The following MDGA2 variants were observed in gnomAD, a reference collection of about 807,000 sequenced individuals.
The protein encoded by MDGA2 is MAM domain containing glycosylphosphatidylinositol anchor 2, also known as MAM domain-containing glycosylphosphatidylinositol anchor protein 2.
A neutral mutation model predicts 117.8 loss-of-function variants in MDGA2; 40 were observed. That is an observed-to-expected ratio of 0.34 (90% CI 0.26 to 0.44). The LOEUF (loss-of-function observed/expected upper bound fraction) is 0.44. MDGA2 is among the 20% of genes least tolerant of loss of function. The probability of loss-of-function intolerance (pLI) is 1.00; values close to 1 mark genes in which losing one functional copy is unlikely to be tolerated. For synonymous variants in MDGA2, 452 were observed against 439.0 expected (o/e 1.03, Z -0.37); for missense variants, 1,123 against 1,250.6 (o/e 0.90, Z 1.54).
At chr14:46,890,676 C>T (rs1295468224) in intron 10 of MDGA2, among the ~76,000 whole-genome samples, 1 of 152,000 alleles carries the variant, frequency 6.6e-6, no homozygotes, top group Non-Finnish European at 1.5e-5. Context: ...ACTGGCTATG[C>T]AAGCAGAGTC....
intron 1 of MDGA2, among the ~76,000 whole-genome samples, chr14:47,309,838 A>AT (rs1889577988): frequency 6.6e-6 from 1 of 152,160 alleles, no homozygotes; most frequent in East Asian, 1.9e-4. Context: ...AAAGAGAGCA[A>AT]TGACATTCAA....
At chr14:47,172,076 T>C (rs373486235) in intron 3 of MDGA2, among the ~76,000 whole-genome samples, 1 of 152,040 alleles carries the variant, frequency 6.6e-6, no homozygotes, top group African/African-American at 2.4e-5. Flanking sequence ...AACTGCAAGG[T>C]GGCAGCAAGG....
chr14:46,873,742 C>T, intron 13 of MDGA2, 151 bp from the exon 14 acceptor site: 1 of 662,554 alleles, frequency 1.5e-6, no homozygotes, highest in Non-Finnish European at 2.4e-6. Flanking sequence ...GTATATGTAA[C>T]TAATAGTGGC....
intron 1 of MDGA2, among the ~76,000 whole-genome samples, chr14:47,316,975 C>T (rs936964005): frequency 6.6e-6 from 1 of 152,070 alleles, no homozygotes; most frequent in East Asian, 1.9e-4. Flanking sequence ...TTAATTTACA[C>T]TGAAAGGCCT....
At chr14:47,330,065 C>T (rs1890250216) in intron 1 of MDGA2, among the ~76,000 whole-genome samples, 2 of 151,860 alleles carry the variant, frequency 1.3e-5, no homozygotes, top group Non-Finnish European at 2.9e-5. Context: ...AATATTAAGG[C>T]ATAACAATTT....
chr14:47,602,219 C>T (rs956457291), intron 1 of MDGA2, among the ~76,000 whole-genome samples: 4 of 152,102 alleles, frequency 2.6e-5, no homozygotes, highest in Admixed American at 6.6e-5. Context: ...AACAACCAAT[C>T]GACAGACCCA....
chr14:47,323,149 G>T (rs1327323414), intron 1 of MDGA2, among the ~76,000 whole-genome samples: 2 of 107,702 alleles, frequency 1.9e-5, no homozygotes, highest in Non-Finnish European at 3.8e-5. Context: ...AAGAGTCATG[G>T]ATATATATAT....
intron 10 of MDGA2, among the ~76,000 whole-genome samples, chr14:46,904,786 TAAGATGA>T (rs1312946857): frequency 6.6e-6 from 1 of 152,210 alleles, no homozygotes; most frequent in Non-Finnish European, 1.5e-5. Context: ...CTTAAACTCC[TAAGATGA>T]AACTCGACTA....
intron 1 of MDGA2, among the ~76,000 whole-genome samples, chr14:47,515,350 T>C (rs1894729144): frequency 6.6e-6 from 1 of 152,180 alleles, no homozygotes; most frequent in Non-Finnish European, 1.5e-5. Flanking sequence ...AACCTGTGAA[T>C]ACCCTGCACA....
At chr14:47,112,991 C>CAGTG (rs1436593589) in intron 5 of MDGA2, among the ~76,000 whole-genome samples, 1 of 152,092 alleles carries the variant, frequency 6.6e-6, no homozygotes, top group African/African-American at 2.4e-5. Flanking sequence ...CTCTAGTAAT[C>CAGTG]AGTGATGTTG....
chr14:47,328,307 G>A (rs547524616), intron 1 of MDGA2, among the ~76,000 whole-genome samples: 2 of 152,216 alleles, frequency 1.3e-5, no homozygotes, highest in Non-Finnish European at 2.9e-5. Flanking sequence ...TTTGTCAACT[G>A]CTATGAAATC....
intron 7 of MDGA2, among the ~76,000 whole-genome samples, chr14:47,060,878 CTTTG>C (rs1374681019): frequency 6.6e-6 from 1 of 151,782 alleles, no homozygotes; most frequent in East Asian, 1.9e-4. Flanking sequence ...TATAGTTATG[CTTTG>C]TTTAAAATTT....
intron 3 of MDGA2, among the ~76,000 whole-genome samples, chr14:47,146,007 C>T (rs572806747): frequency 1.3e-5 from 2 of 151,906 alleles, no homozygotes; most frequent in African/African-American, 4.8e-5. Context: ...TTAACAAAGG[C>T]CTGGAAATAA....
At chr14:47,510,056 C>T (rs1894606805) in intron 1 of MDGA2, among the ~76,000 whole-genome samples, 2 of 152,106 alleles carry the variant, frequency 1.3e-5, no homozygotes, top group Admixed American at 6.5e-5. Flanking sequence ...AAAATTCGTA[C>T]GTCGAATTCC....
intron 1 of MDGA2, among the ~76,000 whole-genome samples, chr14:47,336,672 C>A (rs959668299): frequency 1.3e-5 from 2 of 151,940 alleles, no homozygotes; most frequent in Non-Finnish European, 2.9e-5. Flanking sequence ...ATTAATAATG[C>A]AGTAAGATCT....
At chr14:47,484,593 A>G (rs1213682114) in intron 1 of MDGA2, among the ~76,000 whole-genome samples, 3 of 152,116 alleles carry the variant, frequency 2.0e-5, no homozygotes, top group African/African-American at 7.2e-5. Flanking sequence ...CTACAGTCCA[A>G]AACAGCTATT....
intron 1 of MDGA2, among the ~76,000 whole-genome samples, chr14:47,634,084 G>C (rs113347900): frequency 2.6e-5 from 4 of 152,156 alleles, no homozygotes; most frequent in African/African-American, 9.6e-5. Context: ...AAAAATGTTT[G>C]TATAGTTTGA....
intron 5 of MDGA2, among the ~76,000 whole-genome samples, chr14:47,104,752 T>C (rs1356260776): frequency 4.6e-5 from 7 of 152,114 alleles, no homozygotes; most frequent in Admixed American, 1.3e-4. Context: ...CTTTGCTCCG[T>C]GAGAAAGATC....
intron 11 of MDGA2, among the ~76,000 whole-genome samples, chr14:46,880,338 T>C (rs1882395698): frequency 1.3e-5 from 2 of 151,698 alleles, no homozygotes; most frequent in Admixed American, 1.3e-4. Flanking sequence ...AATATATATA[T>C]AGTAATAATA....
Sources: gnomAD v4.1 joint callset for allele counts (sites outside exome capture counted in the v4.1 genomes callset) on GRCh38, gnomAD v4.1.1 for gene constraint, MANE v1.5 for transcripts, NCBI Gene and HGNC (gene_info 2026-07-23, HGNC 2026-07-21) for gene names.